The following CYB5RL variants were observed in gnomAD, a reference collection of about 807,000 sequenced individuals.
CYB5RL encodes the protein NADH-cytochrome b5 reductase-like.
Under a neutral mutation model 37.5 loss-of-function variants are expected in CYB5RL, and 38 were observed. The observed-to-expected ratio is 1.01, with a 90% CI of 0.78 to 1.33. The LOEUF is 1.33. Ranked by LOEUF, CYB5RL falls within the 40% of genes most tolerant of loss-of-function variation. CYB5RL has a pLI of 0.00. For synonymous variants in CYB5RL, 141 were observed against 151.9 expected (o/e 0.93, Z 0.53); for missense variants, 388 against 394.4 (o/e 0.98, Z 0.14).
At chr1:54,186,318 T>A (rs1053295406) in intron 5 of CYB5RL, 1 of 152,094 alleles carries the variant, frequency 6.6e-6, no homozygotes, top group Admixed American at 6.5e-5. Context: ...ACCTACTCTA[T>A]AGGTTGGTTA....
intron 3 of CYB5RL, among the ~76,000 whole-genome samples, chr1:54,194,494 A>C (rs1169267634): frequency 6.6e-6 from 1 of 152,174 alleles, no homozygotes; most frequent in East Asian, 1.9e-4. Context: ...TTGAGCCACA[A>C]GAATGGGGAA....
At chr1:54,184,069 CAAG>C in intron 6 of CYB5RL, 89 bp downstream of exon 6, 1 of 1,113,862 alleles carries the variant, frequency 9.0e-7, no homozygotes, top group Non-Finnish European at 1.3e-6. Context: ...TGTTTGAGCT[CAAG>C]GAGAATGGCA....
rs773972339 is a variant in CYB5RL, at chr1:54,174,065, C to T, written c.*554G>A. On this transcript the variant is annotated 3_prime_UTR_variant, in exon 8 of 8. Coordinates refer to ENST00000534324, the MANE Select transcript of CYB5RL (RefSeq NM_001031672.4). Reference sequence around the variant, plus strand: ...GCCAATACAAGACAGTCGAGGGCCCCACCTTGCTCTCAGGATGTGGTCAAG... The same window carrying T: ...GCCAATACAAGACAGTCGAGGGCCCTACCTTGCTCTCAGGATGTGGTCAAG... 6.2e-6 allele frequency: 1 copy of T among 160,020 alleles called. No individual in the cohort carries two copies. Among genetic ancestry groups the T allele is most frequent in the African/African-American group, 2.4e-5 (1 of 41,564 alleles). 9.9% of individuals were successfully genotyped at this position (160,020 alleles called of 1,614,324 possible). A position where few individuals can be genotyped will look rare whatever the true frequency, so the allele number is the denominator to read the frequency against.
At chr1:54,177,333 C>T (rs1046262799) in intron 7 of CYB5RL, among the ~76,000 whole-genome samples, 3 of 152,156 alleles carry the variant, frequency 2.0e-5, no homozygotes, top group African/African-American at 7.2e-5. Flanking sequence ...CCTTCACCTG[C>T]CACTGATGGC....
chr1:54,178,183 T>G (rs1660069407), intron 7 of CYB5RL, among the ~76,000 whole-genome samples: 1 of 152,292 alleles, frequency 6.6e-6, no homozygotes, highest in East Asian at 1.9e-4. Context: ...CCAGGGACCC[T>G]TATATTGGGA....
Position 54,174,479 on chromosome 1 carries a change from G to A in CYB5RL, c.*140C>T. 1 of 931,796 alleles carries A rather than the reference G, an allele frequency of 1.1e-6. No homozygotes were observed. The highest frequency in any genetic ancestry group is 1.6e-5 in the South Asian group (1 of 63,906). 57.7% of individuals were successfully genotyped at this position (931,796 alleles called of 1,614,324 possible). A position where few individuals can be genotyped will look rare whatever the true frequency, so the allele number is the denominator to read the frequency against. ...AGATGAGAAGTAGAGGTTCTGAGCA[G>A]TAAAGACACTTGCCCAAGGTCACCT... On this transcript the variant is annotated 3_prime_UTR_variant, in exon 8 of 8. Coordinates refer to ENST00000534324, the MANE Select transcript of CYB5RL (RefSeq NM_001031672.4).
chr1:54,191,037 A>C (rs1643947763), intron 3 of CYB5RL, 141 bp from the exon 4 acceptor site: 5 of 1,169,178 alleles, frequency 4.3e-6, no homozygotes, highest in Non-Finnish European at 5.9e-6. Context: ...GCCTCACCTT[A>C]CTTCCCTTTC....
intron 3 of CYB5RL, among the ~76,000 whole-genome samples, chr1:54,194,657 A>G (rs1008928233): frequency 3.3e-5 from 5 of 152,320 alleles, no homozygotes; most frequent in African/African-American, 1.2e-4. Flanking sequence ...AAAAAGAAAA[A>G]AAAAAGTGAT....
chr1:54,181,829 T>G (rs779383862), intron 6 of CYB5RL, among the ~76,000 whole-genome samples: 37 of 152,220 alleles, frequency 2.4e-4, no homozygotes, highest in Non-Finnish European at 4.7e-4. Context: ...GATACACGCC[T>G]GTAGTCCCAG....
In CYB5RL at chr1:54,199,856, G is replaced by A. The variant is rs1644059955; in HGVS notation, c.-223+120C>T. On this transcript the variant is annotated intron_variant, in intron 1 of 7. Transcript: ENST00000534324. ...TTCTATCCCTATTTTTACAGCGAGG[G>A]ACACTGGGCCTCAGAAAGGGAAGTG... is the stretch of plus-strand genomic sequence containing the variant. 1.4e-5 allele frequency: 3 copies of A among 212,270 alleles called. No homozygotes were observed. In the East Asian group the frequency reaches 3.7e-4, roughly 26 times the overall value. The allele number at this position is 212,270 out of a possible 1,614,324, so 13.1% of individuals were successfully genotyped here.
chr1:54,191,919 G>A (rs1264232117), intron 3 of CYB5RL, among the ~76,000 whole-genome samples: 1 of 152,194 alleles, frequency 6.6e-6, no homozygotes, highest in African/African-American at 2.4e-5. Flanking sequence ...CTGCCTCCCT[G>A]TGGGGCCTTC....
intron 7 of CYB5RL, among the ~76,000 whole-genome samples, chr1:54,177,988 G>A (rs1163820001): frequency 6.6e-6 from 1 of 152,202 alleles, no homozygotes; most frequent in Non-Finnish European, 1.5e-5. Flanking sequence ...CAGGCAGGCT[G>A]CCCATGCTGC....
At chr1:54,187,122 T>C (rs573437343) in intron 5 of CYB5RL, among the ~76,000 whole-genome samples, 1 of 152,262 alleles carries the variant, frequency 6.6e-6, no homozygotes, top group Non-Finnish European at 1.5e-5. Flanking sequence ...TCTTATATAT[T>C]TGTTTCCTAT....
Position 54,179,200 on chromosome 1 carries a change from G to A in CYB5RL, c.693C>T (p.Leu231=), listed in dbSNP as rs1043453977. 4.3e-6 allele frequency: 7 copies of A among 1,613,786 alleles called. No homozygotes were observed. Among genetic ancestry groups the A allele is most frequent in the South Asian group, 2.2e-5 (2 of 90,940 alleles). ...TFESIYLKTF[L]QEQARFWNVR... ...CATTCCAGAAACGGGCCTGCTCTTG[G>A]AGGAAGGTTTTCAGGTAGATGCTCT... The change falls in exon 7 of 8, where the codon CTC becomes CTT. Residue 231 remains leucine, a synonymous_variant. Transcript: ENST00000534324.
At chr1:54,179,396 TCTCACCTTATCCC>T in intron 6 of CYB5RL, 44 bp from the exon 7 acceptor site, 6 of 1,567,184 alleles carry the variant, frequency 3.8e-6, no homozygotes, top group Non-Finnish European at 5.2e-6. Flanking sequence ...GTTGGGAGAG[TCTCACCTTATCCC>T]CTCTACTATG....
rs957192711 is a variant in CYB5RL at position 54,173,782 on chromosome 1, T to G, written c.*837A>C. On this transcript the variant is annotated 3_prime_UTR_variant, in exon 8 of 8. Coordinates refer to ENST00000534324, the MANE Select transcript of CYB5RL (RefSeq NM_001031672.4). ...TCCTGGGATAGGGGTGCCAGGTTCCTGGGGTGGGTGGACCGTGATCGGCAG... is the reference window on the plus strand; with the variant it reads ...TCCTGGGATAGGGGTGCCAGGTTCCGGGGGTGGGTGGACCGTGATCGGCAG... 3 of 152,592 alleles carry G rather than the reference T, an allele frequency of 2.0e-5. No individual in the cohort carries two copies. The highest frequency in any genetic ancestry group is 2.1e-4 in the South Asian group (1 of 4,812). 9.5% of individuals were successfully genotyped at this position (152,592 alleles called of 1,614,324 possible). A position where few individuals can be genotyped will look rare whatever the true frequency, so the allele number is the denominator to read the frequency against.
At chr1:54,192,683 T>C (rs1643966902) in intron 3 of CYB5RL, among the ~76,000 whole-genome samples, 1 of 152,062 alleles carries the variant, frequency 6.6e-6, no homozygotes, top group African/African-American at 2.4e-5. Flanking sequence ...TAAAATGACA[T>C]GCCCAACATC....
chr1:54,190,558 G>A lies in CYB5RL; in HGVS notation c.347+190C>T, dbSNP rs933990383. 17 of 696,126 alleles carry A rather than the reference G, an allele frequency of 2.4e-5. No homozygotes were observed. The East Asian group carries it at 4.1e-4, about 17-fold the overall frequency. 43.1% of individuals were successfully genotyped at this position (696,126 alleles called of 1,614,324 possible). Reference sequence around the variant, plus strand: ...TAGTAAATGCTATTAAAGTGATTGTGTTATTATTTATTATGAAAATGCATT... The same window carrying A: ...TAGTAAATGCTATTAAAGTGATTGTATTATTATTTATTATGAAAATGCATT... On this transcript the variant is annotated intron_variant, in intron 4 of 7. Transcript: ENST00000534324.
intron 7 of CYB5RL, among the ~76,000 whole-genome samples, chr1:54,175,840 C>T (rs1660008040): frequency 6.6e-6 from 1 of 152,046 alleles, no homozygotes; most frequent in Non-Finnish European, 1.5e-5. Flanking sequence ...AATACCACAC[C>T]ATTTTATATC....
Sources: gnomAD v4.1 joint callset for allele counts (sites outside exome capture counted in the v4.1 genomes callset) on GRCh38, gnomAD v4.1.1 for gene constraint, MANE v1.5 for transcripts, NCBI Gene and HGNC (gene_info 2026-07-23, HGNC 2026-07-21) for gene names.